The following LPXN variants were observed in gnomAD, a reference collection of about 807,000 sequenced individuals.
LPXN encodes leupaxin.
In LPXN, 28 loss-of-function variants were observed where a neutral mutation model predicts 45.6. That is an observed-to-expected ratio of 0.61 (90% CI 0.45 to 0.84). LPXN has a LOEUF of 0.84. LPXN is among the 40% of genes least tolerant of loss of function. LPXN has a pLI of 0.00. For synonymous variants in LPXN, 166 were observed against 169.9 expected (o/e 0.98, Z 0.18); for missense variants, 459 against 475.0 (o/e 0.97, Z 0.31).
chr11:58,531,870 T>A (rs920137160), intron 7 of LPXN, among the ~76,000 whole-genome samples: 2 of 152,248 alleles, frequency 1.3e-5, no homozygotes, highest in Non-Finnish European at 2.9e-5. Flanking sequence ...CCCTTCAGCC[T>A]GCCGCTGCAC....
chr11:58,555,067 G>A, intron 3 of LPXN, 127 bp from the exon 4 acceptor site: 4 of 595,856 alleles, frequency 6.7e-6, no homozygotes, highest in East Asian at 5.9e-5. Flanking sequence ...AATCAGAGAT[G>A]GGGGTATTTT....
rs754617245 is a variant in LPXN, at chr11:58,527,440, T to C, written c.*14A>G. 6.2e-7 allele frequency: 1 copy of C among 1,613,804 alleles called. No individual in the cohort carries two copies. Among genetic ancestry groups the C allele is most frequent in the South Asian group, 1.1e-5 (1 of 91,078 alleles). On this transcript the variant is annotated 3_prime_UTR_variant, in exon 9 of 9. Transcript: ENST00000395074. ...TTTTATAAGGAATCTGAAGAGGCTA[T>C]GGATCAGTTGGCATTACAGTGGGAA...
intron 7 of LPXN, among the ~76,000 whole-genome samples, chr11:58,537,307 T>C (rs564488799): frequency 5.3e-5 from 8 of 152,290 alleles, no homozygotes; most frequent in Admixed American, 4.6e-4. Flanking sequence ...GTGGCACATA[T>C]ACACCATGGA....
At position 58,541,850 on chromosome 11, in the gene LPXN, C is replaced by G. The variant is rs368760647; in HGVS notation, c.742+7936G>C. Among the ~76,000 whole-genome samples, 13 of 152,228 alleles carry G rather than the reference C, an allele frequency of 8.5e-5. No individual in the cohort carries two copies. In the East Asian group the frequency reaches 1.4e-3, roughly 16 times the overall value. ...TGTGGCACAAATACACCATGAAATA[C>G]TGTGCAGCCATAAAAAATGGTGAGT... On this transcript the variant is annotated intron_variant, in intron 7 of 8. Coordinates refer to ENST00000395074, the MANE Select transcript of LPXN (RefSeq NM_004811.3).
At chr11:58,558,829 G>T (rs1854290328) in intron 3 of LPXN, among the ~76,000 whole-genome samples, 1 of 151,332 alleles carries the variant, frequency 6.6e-6, no homozygotes, top group Non-Finnish European at 1.5e-5. Context: ...AAAGATAATA[G>T]AAAAATGAAG....
chr11:58,550,175 G>A lies in LPXN; in HGVS notation c.487-29C>T, dbSNP rs375196967. On this transcript the variant is annotated intron_variant, in intron 5 of 8. Coordinates refer to ENST00000395074, the MANE Select transcript of LPXN (RefSeq NM_004811.3). Reference sequence around the variant, plus strand: ...TGGAGTGAAATAAAGCCTGACACAGGAGGCCAGTTGAGTGCTCTACAGCCT... The same window carrying A: ...TGGAGTGAAATAAAGCCTGACACAGAAGGCCAGTTGAGTGCTCTACAGCCT... 477 of 1,602,710 alleles carry A rather than the reference G, an allele frequency of 3.0e-4. 4 individuals are homozygous for A. The South Asian group carries it at 4.9e-3, about 16-fold the overall frequency.
intron 3 of LPXN, among the ~76,000 whole-genome samples, chr11:58,556,777 T>C (rs915300207): frequency 1.3e-5 from 2 of 152,102 alleles, no homozygotes; most frequent in Non-Finnish European, 2.9e-5. Flanking sequence ...CTAACAAAAG[T>C]TGTAAAATAT....
At position 58,527,584 on chromosome 11, in the gene LPXN, A is replaced by C; in HGVS notation, c.1031T>G (p.Met344Arg). 1.2e-6 allele frequency: 2 copies of C among 1,614,208 alleles called. No homozygotes were observed. The highest frequency in any genetic ancestry group is 1.7e-6 in the Non-Finnish European group (2 of 1,180,034). Reference protein sequence around the residue: ...QPITGRCISAMGYKFHPEHFV... With the variant: ...QPITGRCISARGYKFHPEHFV... Reference sequence around the variant, plus strand: ...GTGCTCAGGATGGAACTTGTACCCCATGGCACTGATACAACGGCCAGTGAT... The same window carrying C: ...GTGCTCAGGATGGAACTTGTACCCCCTGGCACTGATACAACGGCCAGTGAT... The change falls in exon 9 of 9, where the codon ATG becomes AGG. Residue 344 changes from methionine (M) to arginine (R), a missense_variant. Coordinates refer to ENST00000395074, the MANE Select transcript of LPXN (RefSeq NM_004811.3).
intron 3 of LPXN, among the ~76,000 whole-genome samples, chr11:58,555,405 A>G (rs1854171766): frequency 1.3e-5 from 2 of 152,210 alleles, no homozygotes; most frequent in African/African-American, 4.8e-5. Context: ...TCTGGTGCAG[A>G]AAGTTTAGAT....
At chr11:58,574,684 T>C (rs951935428) in intron 1 of LPXN, among the ~76,000 whole-genome samples, 18 of 152,158 alleles carry the variant, frequency 1.2e-4, no homozygotes, top group Admixed American at 2.6e-4. Flanking sequence ...CTACCCCAAG[T>C]CCAAAAAAGA....
intron 7 of LPXN, among the ~76,000 whole-genome samples, chr11:58,541,602 C>G (rs1419820831): frequency 6.7e-6 from 1 of 149,718 alleles, no homozygotes; most frequent in African/African-American, 2.5e-5. Context: ...GGACTGTAAA[C>G]TAGTTCAACC....
chr11:58,541,759 T>G (rs1166049138), intron 7 of LPXN, among the ~76,000 whole-genome samples: 1 of 151,538 alleles, frequency 6.6e-6, no homozygotes, highest in Admixed American at 6.6e-5. Context: ...ATTCTGGCAT[T>G]ATTCACAATA....
At chr11:58,571,384 C>T (rs950041611) in intron 1 of LPXN, among the ~76,000 whole-genome samples, 3 of 144,664 alleles carry the variant, frequency 2.1e-5, no homozygotes, top group South Asian at 2.2e-4. Context: ...TAAATAAATC[C>T]TAAATGCTTT....
intron 3 of LPXN, among the ~76,000 whole-genome samples, chr11:58,556,490 C>T (rs1590564667): frequency 6.6e-6 from 1 of 152,060 alleles, no homozygotes; most frequent in South Asian, 2.1e-4. Flanking sequence ...CAATCTTCAA[C>T]ATTATTCTAG....
At chr11:58,529,639 A>G (rs1853327953) in intron 7 of LPXN, among the ~76,000 whole-genome samples, 1 of 151,900 alleles carries the variant, frequency 6.6e-6, no homozygotes, top group Non-Finnish European at 1.5e-5. Context: ...AAAAATTAAA[A>G]TGGAAAAACA....
chr11:58,527,599 C>CGTT lies in LPXN; in HGVS notation c.1015_1016insAAC (p.Gly338_Arg339insGln). On this transcript the variant is annotated inframe_insertion, in exon 9 of 9. Transcript: ENST00000395074. ...CTTGTACCCCATGGCACTGATACAA[C>CGTT]GGCCAGTGATGGGCTGCCCACACCC... The CGTT allele has an allele frequency of 6.2e-7, 1 of 1,614,178 alleles. No individual in the cohort carries two copies. Among genetic ancestry groups the CGTT allele is most frequent in the South Asian group, 1.1e-5 (1 of 91,086 alleles).
intron 2 of LPXN, among the ~76,000 whole-genome samples, chr11:58,564,648 T>C (rs1854476022): frequency 6.6e-6 from 1 of 152,088 alleles, no homozygotes; most frequent in Non-Finnish European, 1.5e-5. Flanking sequence ...CAAATATGTA[T>C]TGAGGGCCTG....
At chr11:58,570,290 G>A (rs1199758025) in intron 2 of LPXN, among the ~76,000 whole-genome samples, 4 of 148,876 alleles carry the variant, frequency 2.7e-5, no homozygotes, top group African/African-American at 9.9e-5. Context: ...GAGACAGAGT[G>A]TGACTCTGTC....
chr11:58,565,574 T>G (rs1854504558), intron 2 of LPXN, among the ~76,000 whole-genome samples: 2 of 151,990 alleles, frequency 1.3e-5, no homozygotes, highest in Non-Finnish European at 2.9e-5. Context: ...AATTTGGTCT[T>G]ATTATATTGG....
Sources: gnomAD v4.1 joint callset for allele counts (sites outside exome capture counted in the v4.1 genomes callset) on GRCh38, gnomAD v4.1.1 for gene constraint, MANE v1.5 for transcripts, NCBI Gene and HGNC (gene_info 2026-07-23, HGNC 2026-07-21) for gene names.